Variants in DAAM1 observed in about 807,000 individuals in gnomAD.
DAAM1 encodes the protein disheveled-associated activator of morphogenesis 1.
A neutral mutation model predicts 130.0 loss-of-function variants in DAAM1; 52 were observed. The ratio of observed to expected loss-of-function variants is 0.40; its 90% CI spans 0.32 to 0.50. The LOEUF (loss-of-function observed/expected upper bound fraction) is 0.50. DAAM1 is among the 20% of genes least tolerant of loss of function. The pLI is 0.61. For missense variants in DAAM1, 1,134 were observed against 1,303.8 expected, an observed-to-expected ratio of 0.87 and a Z score of 2.01; for synonymous variants, 452 against 444.5, an observed-to-expected ratio of 1.02 and a Z score of -0.21.
chr14:59,312,412 TG>T (rs1884632238), intron 3 of DAAM1, among the ~76,000 whole-genome samples: 1 of 152,194 alleles, frequency 6.6e-6, no homozygotes, highest in Non-Finnish European at 1.5e-5. Flanking sequence ...AAATGAAAAC[TG>T]AGTCACAAAG....
chr14:59,239,318 A>G (rs1394282359), intron 1 of DAAM1, among the ~76,000 whole-genome samples: 5 of 152,212 alleles, frequency 3.3e-5, no homozygotes, highest in African/African-American at 9.6e-5. Flanking sequence ...TAGGGCCTCA[A>G]GTTCCACCTG....
At chr14:59,291,645 G>A in intron 3 of DAAM1, 1 of 203,896 alleles carries the variant, frequency 4.9e-6, no homozygotes, top group Non-Finnish European at 9.6e-6. Context: ...TGGGGTCACA[G>A]CCCTCTAAAA....
intron 1 of DAAM1, among the ~76,000 whole-genome samples, chr14:59,201,453 T>C (rs1213240061): frequency 2.6e-5 from 4 of 151,576 alleles, no homozygotes; most frequent in Non-Finnish European, 4.4e-5. Flanking sequence ...CAAAACCCTG[T>C]CTCTACTAAA....
Position 59,315,359 on chromosome 14 carries a change from G to C in DAAM1, c.345+8G>C. 6.2e-7 allele frequency: 1 copy of C among 1,613,034 alleles called. No individual in the cohort carries two copies. The highest frequency in any genetic ancestry group is 8.5e-7 in the Non-Finnish European group (1 of 1,179,254). ...CTCAATTCCATGGCTGCTGTAAGTA[G>C]ACTTTTATGTTCTTTGACACACTGT... On this transcript the variant is annotated splice_region_variant and intron_variant, in intron 4 of 24. Transcript: ENST00000360909.
chr14:59,343,262 C>T (rs1403981282), intron 16 of DAAM1, among the ~76,000 whole-genome samples: 1 of 152,122 alleles, frequency 6.6e-6, no homozygotes, highest in Non-Finnish European at 1.5e-5. Context: ...TTTGGTTTCG[C>T]AGGACAGGTT....
chr14:59,295,219 C>T (rs1883909231), intron 3 of DAAM1, among the ~76,000 whole-genome samples: 1 of 152,130 alleles, frequency 6.6e-6, no homozygotes. Flanking sequence ...TTAGATTGTT[C>T]ATATTACATT....
intron 1 of DAAM1, among the ~76,000 whole-genome samples, chr14:59,199,633 C>A (rs1888036578): frequency 1.3e-5 from 2 of 152,174 alleles, no homozygotes; most frequent in South Asian, 4.1e-4. Context: ...TTTGTGATTC[C>A]TATTTTCAAC....
chr14:59,307,733 T>C (rs1248490943), intron 3 of DAAM1, among the ~76,000 whole-genome samples: 1 of 152,118 alleles, frequency 6.6e-6, no homozygotes, highest in Non-Finnish European at 1.5e-5. Flanking sequence ...TCCTATGATA[T>C]GTGAACGGAT....
At chr14:59,220,927 T>C (rs976120069) in intron 1 of DAAM1, among the ~76,000 whole-genome samples, 1 of 152,232 alleles carries the variant, frequency 6.6e-6, no homozygotes, top group Non-Finnish European at 1.5e-5. Flanking sequence ...ACAGATTAAA[T>C]GCTAATCTCT....
Position 59,257,367 on chromosome 14 carries a change from G to A in DAAM1, c.-37-6074G>A, listed in dbSNP as rs546101857. On this transcript the variant is annotated intron_variant, in intron 1 of 24. Coordinates refer to ENST00000360909, the MANE Select transcript of DAAM1 (RefSeq NM_001270520.2). ...ATCAGGATCTCACAGTCTAGTGGGG[G>A]AAATGGACATTAAAAAAAAAAAGGC... 1.0e-4 allele frequency among the ~76,000 whole-genome samples: 15 copies of A among 146,002 alleles called. No homozygotes were observed. In the East Asian group the frequency reaches 1.4e-3, roughly 14 times the overall value.
At chr14:59,357,101 CCTT>C (rs1294366650) in intron 20 of DAAM1, among the ~76,000 whole-genome samples, 3 of 152,214 alleles carry the variant, frequency 2.0e-5, no homozygotes, top group East Asian at 1.9e-4. Context: ...TGTTGCTGTT[CCTT>C]CTTTTAAGAA....
chr14:59,204,825 AG>A (rs1199885247), intron 1 of DAAM1, among the ~76,000 whole-genome samples: 2 of 152,348 alleles, frequency 1.3e-5, no homozygotes, highest in East Asian at 3.9e-4. Context: ...TGAGGTCAGG[AG>A]TTCGAGACCA....
At chr14:59,219,353 T>C (rs1888695199) in intron 1 of DAAM1, among the ~76,000 whole-genome samples, 1 of 152,174 alleles carries the variant, frequency 6.6e-6, no homozygotes, top group African/African-American at 2.4e-5. Context: ...ACTTACTCTA[T>C]GATGATTAGC....
At chr14:59,201,020 G>A (rs1255325317) in intron 1 of DAAM1, among the ~76,000 whole-genome samples, 1 of 152,064 alleles carries the variant, frequency 6.6e-6, no homozygotes, top group East Asian at 1.9e-4. Context: ...AATCAGCCAG[G>A]CGTGGTGGTG....
intron 2 of DAAM1, among the ~76,000 whole-genome samples, chr14:59,280,118 G>T (rs1883143474): frequency 6.6e-6 from 1 of 152,152 alleles, no homozygotes; most frequent in South Asian, 2.1e-4. Flanking sequence ...AACTGGAACT[G>T]CCGTGTATTG....
chr14:59,286,898 A>G (rs1020478216), intron 2 of DAAM1, among the ~76,000 whole-genome samples: 1 of 152,210 alleles, frequency 6.6e-6, no homozygotes, highest in East Asian at 1.9e-4. Context: ...AATTATTCCA[A>G]AAATTCAAAG....
chr14:59,197,751 T>C (rs1887947301), intron 1 of DAAM1, among the ~76,000 whole-genome samples: 1 of 152,236 alleles, frequency 6.6e-6, no homozygotes, highest in African/African-American at 2.4e-5. Flanking sequence ...TTACCTTTTC[T>C]TTCTATACTC....
chr14:59,256,964 C>T (rs187392750), intron 1 of DAAM1, among the ~76,000 whole-genome samples: 18 of 152,252 alleles, frequency 1.2e-4, no homozygotes, highest in African/African-American at 4.1e-4. Context: ...ATTTTATCAG[C>T]GAGTCTCTTT....
At chr14:59,294,150 G>A (rs972586217) in intron 3 of DAAM1, among the ~76,000 whole-genome samples, 1 of 152,312 alleles carries the variant, frequency 6.6e-6, no homozygotes, top group Non-Finnish European at 1.5e-5. Context: ...AACAGATGGC[G>A]TGAGTTGGTG....
Sources: allele counts gnomAD v4.1 joint callset (sites outside exome capture counted in the v4.1 genomes callset), GRCh38; gene constraint gnomAD v4.1.1; transcripts MANE v1.5; gene names NCBI Gene and HGNC (gene_info 2026-07-23, HGNC 2026-07-21).